Variants in ABLIM3 observed in about 807,000 individuals in gnomAD.
ABLIM3 encodes actin-binding LIM protein 3.
ABLIM3 carries 61 observed loss-of-function variants against 109.5 expected under a neutral mutation model. The ratio of observed to expected loss-of-function variants is 0.56; its 90% CI spans 0.45 to 0.69. The LOEUF is 0.69. ABLIM3 is among the 30% of genes least tolerant of loss of function. The pLI is 0.00. For missense variants in ABLIM3, 796 were observed against 889.5 expected, an observed-to-expected ratio of 0.89 and a Z score of 1.34; for synonymous variants, 300 against 324.8, an observed-to-expected ratio of 0.92 and a Z score of 0.82.
At chr5:149,196,030 G>C (rs900753966) in intron 3 of ABLIM3, among the ~76,000 whole-genome samples, 1 of 152,174 alleles carries the variant, frequency 6.6e-6, no homozygotes. Context: ...GTGAACAGAG[G>C]CCCCAGAGAA....
chr5:149,244,394 CTATG>C lies in ABLIM3; in HGVS notation c.1352-484_1352-481del, dbSNP rs1753147377. 1.8e-5 allele frequency: 3 copies of C among 164,252 alleles called. No individual in the cohort carries two copies. The South Asian group carries it at 4.9e-4, about 27-fold the overall frequency. The allele number at this position is 164,252 out of a possible 1,614,324, so 10.2% of individuals were successfully genotyped here. A position where few individuals can be genotyped will look rare whatever the true frequency, so the allele number is the denominator to read the frequency against. On this transcript the variant is annotated intron_variant, in intron 15 of 23. Transcript: ENST00000309868. ...CCTGTCTAGCACTCCTTCCTTCAGG[CTATG>C]TAGTCCCTGAGCAGAATGTGGCATC...
At chr5:149,230,541 G>T in intron 8 of ABLIM3, 108 bp from the exon 9 acceptor site, 1 of 1,191,656 alleles carries the variant, frequency 8.4e-7, no homozygotes, top group East Asian at 2.4e-5. Flanking sequence ...CCTTCTGGCA[G>T]ATGTGTAAGG....
intron 8 of ABLIM3, among the ~76,000 whole-genome samples, chr5:149,222,994 C>A (rs1271587262): frequency 6.6e-6 from 1 of 152,148 alleles, no homozygotes; most frequent in South Asian, 2.1e-4. Context: ...TTTCCCCAAT[C>A]CTACTACCTA....
chr5:149,181,797 G>A lies in ABLIM3; in HGVS notation c.14-1655G>A, dbSNP rs189995320. Among the ~76,000 whole-genome samples the A allele has an allele frequency of 9.1e-4, 139 of 152,342 alleles. 1 individual carries two copies. The highest frequency in any genetic ancestry group is 3.0e-3 in the African/African-American group (125 of 41,574). ...TTAATTAAAGAGAAATGTCAGATCC[G>A]AGGTTATGCTACAGTCTCAGAGGCT... On this transcript the variant is annotated intron_variant, in intron 2 of 23. Coordinates refer to ENST00000309868, the MANE Select transcript of ABLIM3 (RefSeq NM_014945.5).
intron 11 of ABLIM3, among the ~76,000 whole-genome samples, chr5:149,238,136 A>G (rs180789685): frequency 5.4e-4 from 82 of 152,218 alleles, no homozygotes; most frequent in African/African-American, 1.9e-3. Flanking sequence ...CGCTTTTATA[A>G]AGACTCAGTA....
intron 2 of ABLIM3, among the ~76,000 whole-genome samples, chr5:149,159,074 A>C (rs1406282778): frequency 6.6e-6 from 1 of 152,256 alleles, no homozygotes; most frequent in East Asian, 1.9e-4. Context: ...GATTTATGCA[A>C]GAATGTTGCT....
chr5:149,208,350 GTCTCTCTCTCTCTCTCTCTC>G (rs10564662), intron 6 of ABLIM3, among the ~76,000 whole-genome samples: 3 of 132,304 alleles, frequency 2.3e-5, no homozygotes, highest in Admixed American at 1.5e-4. Flanking sequence ...CTATCTTTTT[GTCTCTCTCTCTCTCTCTCTC>G]TCTCTCTCTC....
At chr5:149,175,200 C>T (rs1755814766) in intron 2 of ABLIM3, among the ~76,000 whole-genome samples, 1 of 152,188 alleles carries the variant, frequency 6.6e-6, no homozygotes, top group Admixed American at 6.5e-5. Flanking sequence ...TGCATTAAAA[C>T]CCATGACCAA....
rs1409440210 is a variant in ABLIM3 at position 149,252,817 on chromosome 5, G to A, written c.1918G>A (p.Val640Ile). The A allele has an allele frequency of 1.2e-6, 2 of 1,613,444 alleles. No homozygotes were observed. Among genetic ancestry groups the A allele is most frequent in the Admixed American group, 1.7e-5 (1 of 60,006 alleles). The change falls in exon 23 of 24, where the codon GTA becomes ATA. Residue 640 changes from valine to isoleucine, a missense_variant. By Grantham distance (29) the Val-to-Ile change is conservative (BLOSUM62 3). Transcript: ENST00000309868. ...TRGRNRLPKD[V>I]DRTRLERHLS... is the part of the protein sequence containing the mutation. ...AGGAAGAAACCGACTGCCCAAGGAT[G>A]TAGACAGGACCCGTTTAGAGGTAAG...
At chr5:149,161,508 T>G (rs1754361931) in intron 2 of ABLIM3, among the ~76,000 whole-genome samples, 2 of 152,228 alleles carry the variant, frequency 1.3e-5, no homozygotes, top group Admixed American at 1.3e-4. Flanking sequence ...TCTGAAAATC[T>G]GCCCTGTGCC....
chr5:149,209,902 G>A (rs1033867210), intron 6 of ABLIM3, among the ~76,000 whole-genome samples: 8 of 152,352 alleles, frequency 5.3e-5, no homozygotes, highest in Middle Eastern at 3.4e-3. Context: ...CAACAGCTTC[G>A]AGATGGAAAA....
chr5:149,250,673 C>T (rs959150086), intron 20 of ABLIM3, among the ~76,000 whole-genome samples, 168 bp downstream of exon 20: 9 of 152,138 alleles, frequency 5.9e-5, no homozygotes, highest in Admixed American at 3.3e-4. Flanking sequence ...GTGACCCCTT[C>T]GTGAAAAGGG....
intron 2 of ABLIM3, among the ~76,000 whole-genome samples, chr5:149,145,159 T>C (rs1041705240): frequency 2.0e-5 from 3 of 152,140 alleles, no homozygotes; most frequent in Non-Finnish European, 1.5e-5. Flanking sequence ...CCCCCTCTAG[T>C]AGTGCCCAGT....
intron 2 of ABLIM3, among the ~76,000 whole-genome samples, chr5:149,157,161 A>G (rs1241531150): frequency 1.3e-5 from 2 of 152,172 alleles, no homozygotes; most frequent in African/African-American, 2.4e-5. Context: ...ACACTCTGAT[A>G]TTATATGAGT....
At chr5:149,240,003 C>T in intron 13 of ABLIM3, 115 bp downstream of exon 13, 1 of 1,410,880 alleles carries the variant, frequency 7.1e-7, no homozygotes, top group Non-Finnish European at 9.3e-7. Context: ...CACAGTGTGG[C>T]CCTCTGGAGG....
chr5:149,230,060 T>A (rs1353219079), intron 8 of ABLIM3, among the ~76,000 whole-genome samples: 1 of 152,094 alleles, frequency 6.6e-6, no homozygotes, highest in Non-Finnish European at 1.5e-5. Flanking sequence ...AAAGCTGGAG[T>A]TCACCATGCT....
chr5:149,248,029 C>A, intron 18 of ABLIM3, 100 bp downstream of exon 18: 1 of 1,411,986 alleles, frequency 7.1e-7, no homozygotes, highest in Non-Finnish European at 9.5e-7. Context: ...CCTTGAGGCA[C>A]AGCCCATGCA....
intron 9 of ABLIM3, 43 bp from the exon 10 acceptor site, chr5:149,233,186 A>G (rs751776569): frequency 6.9e-6 from 11 of 1,588,506 alleles, no homozygotes; most frequent in African/African-American, 1.3e-5. Flanking sequence ...CACCAAGCTC[A>G]GGTTGCAGCT....
chr5:149,182,385 G>GTAAT (rs919407785), intron 2 of ABLIM3, among the ~76,000 whole-genome samples: 5 of 152,164 alleles, frequency 3.3e-5, no homozygotes, highest in African/African-American at 9.7e-5. Flanking sequence ...GAAGAAATGA[G>GTAAT]TAATTCTCTC....
Sources: gnomAD v4.1 joint callset for allele counts (sites outside exome capture counted in the v4.1 genomes callset) on GRCh38, gnomAD v4.1.1 for gene constraint, MANE v1.5 for transcripts, NCBI Gene and HGNC (gene_info 2026-07-23, HGNC 2026-07-21) for gene names.